The following ANXA8 variants were observed in gnomAD, a reference collection of about 807,000 sequenced individuals.
ANXA8 encodes annexin A8.
ANXA8 carries 9 observed loss-of-function variants against 26.8 expected under a neutral mutation model. That is an observed-to-expected ratio of 0.34 (90% CI 0.20 to 0.59). The LOEUF is 0.59. Among genes scored for constraint, ANXA8 ranks in the 20% least tolerant of loss-of-function variants. The pLI is 0.84. For synonymous variants in ANXA8, 39 were observed against 94.8 expected (o/e 0.41, Z 3.42); for missense variants, 83 against 238.5 (o/e 0.35, Z 4.29).
At chr10:47,664,594 T>TAATAAA in the ANXA8 span, among the ~76,000 whole-genome samples, 242 of 151,174 alleles carry the variant, frequency 1.6e-3, no homozygotes, top group African/African-American at 5.7e-3. Context: ...ATAATAATAA[T>TAATAAA]TCTCAGTAAT....
chr10:47,693,450 C>T, the ANXA8 span, among the ~76,000 whole-genome samples: 26 of 151,590 alleles, frequency 1.7e-4, no homozygotes, highest in African/African-American at 5.3e-4. Flanking sequence ...CCACCGCGCG[C>T]GGCTAATTTT....
At chr10:47,898,811 A>ATTTTTTTTTTTTTTTTT in the ANXA8 span, among the ~76,000 whole-genome samples, 3 of 56,262 alleles carry the variant, frequency 5.3e-5, no homozygotes, top group South Asian at 9.9e-4. Context: ...AAGAGAATGG[A>ATTTTTTTTTTTTTTTTT]TTTTTTTTTT....
At chr10:47,743,759 C>T in the ANXA8 span, among the ~76,000 whole-genome samples, 11 of 150,496 alleles carry the variant, frequency 7.3e-5, 1 homozygote, top group African/African-American at 2.5e-4. Flanking sequence ...CAGCACCCCA[C>T]GCCCGCAAGC....
the ANXA8 span, chr10:47,763,689 C>T: frequency 6.0e-6 from 1 of 165,320 alleles, no homozygotes; most frequent in Non-Finnish European, 1.2e-5. Context: ...CCCCTCGGCG[C>T]GCCCTGGTCG....
chr10:47,940,139 C>A, the ANXA8 span, among the ~76,000 whole-genome samples: 6 of 151,188 alleles, frequency 4.0e-5, no homozygotes, highest in Admixed American at 1.3e-4. Flanking sequence ...CTGGATTTTG[C>A]ACTTTGCCTT....
the ANXA8 span, among the ~76,000 whole-genome samples, chr10:47,671,194 G>A: frequency 3.3e-5 from 5 of 151,708 alleles, no homozygotes; most frequent in South Asian, 2.1e-4. Context: ...AGGCTCAGGC[G>A]GATGGATCAC....
At chr10:47,733,381 G>A in the ANXA8 span, among the ~76,000 whole-genome samples, 3 of 126,724 alleles carry the variant, frequency 2.4e-5, no homozygotes, top group African/African-American at 9.7e-5. Context: ...AAGCATAGAT[G>A]TTTCTACAGA....
chr10:47,907,293 C>T, the ANXA8 span, among the ~76,000 whole-genome samples: 1 of 152,064 alleles, frequency 6.6e-6, no homozygotes, highest in East Asian at 1.9e-4. Flanking sequence ...GGAGGCGGAG[C>T]TTGCAGTGAG....
chr10:47,679,989 T>C, the ANXA8 span, among the ~76,000 whole-genome samples: 2 of 151,858 alleles, frequency 1.3e-5, no homozygotes, highest in South Asian at 4.1e-4. Flanking sequence ...GTTTTTTTTT[T>C]TCTGAGATGG....
the ANXA8 span, among the ~76,000 whole-genome samples, chr10:47,749,298 C>T: frequency 2.1e-3 from 296 of 140,628 alleles, 1 homozygote; most frequent in African/African-American, 7.3e-3. Flanking sequence ...GATGTGCATA[C>T]ACAAAAAATA....
the ANXA8 span, among the ~76,000 whole-genome samples, chr10:47,618,780 C>G: frequency 2.4e-4 from 26 of 110,190 alleles, 1 homozygote; most frequent in East Asian, 4.4e-3. Flanking sequence ...GTCTGTATTA[C>G]AAGACAAAAT....
At chr10:47,562,518 A>G in the ANXA8 span, among the ~76,000 whole-genome samples, 1 of 91,744 alleles carries the variant, frequency 1.1e-5, no homozygotes, top group East Asian at 2.4e-4. Flanking sequence ...TCAAACATCA[A>G]CCCTGCTCAG....
At chr10:47,497,010 A>G in the ANXA8 span, among the ~76,000 whole-genome samples, 1 of 149,512 alleles carries the variant, frequency 6.7e-6, no homozygotes, top group Non-Finnish European at 1.5e-5. Context: ...AAAATTTTGT[A>G]TTTTCTCAAA....
the ANXA8 span, among the ~76,000 whole-genome samples, chr10:47,684,423 T>G: frequency 8.2e-4 from 112 of 135,820 alleles, 1 homozygote; most frequent in Admixed American, 2.9e-3. Context: ...AGTTTTTTTT[T>G]GGGGGGGGGG....
the ANXA8 span, among the ~76,000 whole-genome samples, chr10:47,677,463 C>A: frequency 1.3e-5 from 2 of 149,588 alleles, no homozygotes; most frequent in Admixed American, 1.3e-4. Flanking sequence ...GGATAGTGAT[C>A]CCTGAGAGAA....
chr10:47,572,939 A>G, the ANXA8 span, among the ~76,000 whole-genome samples: 1 of 150,680 alleles, frequency 6.6e-6, no homozygotes, highest in African/African-American at 2.5e-5. Flanking sequence ...GTGATTTACA[A>G]ACTGTGTGCT....
the ANXA8 span, among the ~76,000 whole-genome samples, chr10:47,925,564 G>A: frequency 8.9e-5 from 7 of 78,342 alleles, 1 homozygote; most frequent in Admixed American, 4.0e-4. Context: ...CTAAGAATTG[G>A]GGTAGTGGGT....
the ANXA8 span, among the ~76,000 whole-genome samples, chr10:47,595,918 A>G: frequency 6.7e-6 from 1 of 148,918 alleles, no homozygotes; most frequent in Non-Finnish European, 1.5e-5. Context: ...TGAACCTAAT[A>G]GACATCTACA....
At chr10:47,684,431 G>GGA in the ANXA8 span, among the ~76,000 whole-genome samples, 12 of 147,042 alleles carry the variant, frequency 8.2e-5, no homozygotes, top group Non-Finnish European at 1.5e-4. Context: ...TTTGGGGGGG[G>GGA]GGTGAGGAGG....
Sources: allele counts gnomAD v4.1 joint callset (sites outside exome capture counted in the v4.1 genomes callset), GRCh38; gene constraint gnomAD v4.1.1; transcripts MANE v1.5; gene names NCBI Gene and HGNC (gene_info 2026-07-23, HGNC 2026-07-21).